Variants in CDH13 observed in about 807,000 individuals in gnomAD.
CDH13 encodes cadherin-13.
Under a neutral mutation model 63.8 loss-of-function variants are expected in CDH13, and 24 were observed. That is an observed-to-expected ratio of 0.38 (90% CI 0.27 to 0.53). The LOEUF (loss-of-function observed/expected upper bound fraction) is 0.53, where lower values mean the gene tolerates loss of function less well. Among genes scored for constraint, CDH13 ranks in the 20% least tolerant of loss-of-function variants. CDH13 has a pLI of 0.85. For synonymous variants in CDH13, 503 were observed against 355.3 expected (o/e 1.42, Z -4.67); for missense variants, 1,049 against 903.1 (o/e 1.16, Z -2.07).
At chr16:83,440,485 G>C (rs1425755545) in intron 6 of CDH13, among the ~76,000 whole-genome samples, 1 of 152,074 alleles carries the variant, frequency 6.6e-6, no homozygotes, top group Non-Finnish European at 1.5e-5. Flanking sequence ...GGTCACAGAA[G>C]ATGGACAGCA....
At chr16:83,116,256 T>C (rs55660225) in intron 3 of CDH13, among the ~76,000 whole-genome samples, 28,399 of 152,004 alleles carry the variant, frequency 0.19, 3,867 homozygotes, top group African/African-American at 0.39. Context: ...TCCCGGGAAA[T>C]AGACCACGCA....
intron 1 of CDH13, among the ~76,000 whole-genome samples, chr16:82,834,492 A>G (rs1347508666): frequency 6.6e-6 from 1 of 152,214 alleles, no homozygotes; most frequent in Non-Finnish European, 1.5e-5. Context: ...GAGAAAAAAT[A>G]AAGAGGTGCC....
At chr16:82,686,966 T>G (rs896255659) in intron 1 of CDH13, among the ~76,000 whole-genome samples, 1 of 152,230 alleles carries the variant, frequency 6.6e-6, no homozygotes, top group Non-Finnish European at 1.5e-5. Flanking sequence ...GCTCAACATT[T>G]GTAAGCTCTT....
At chr16:83,445,095 G>T (rs935889388) in intron 6 of CDH13, among the ~76,000 whole-genome samples, 1 of 151,938 alleles carries the variant, frequency 6.6e-6, no homozygotes, top group Non-Finnish European at 1.5e-5. Context: ...TATTTTTCAT[G>T]GCAGTGGAGT....
intron 8 of CDH13, among the ~76,000 whole-genome samples, chr16:83,643,820 G>A (rs1337419717): frequency 1.3e-5 from 2 of 152,136 alleles, no homozygotes; most frequent in Admixed American, 1.3e-4. Context: ...TGTCAAACAT[G>A]TCAACAGCAT....
At chr16:83,021,607 A>G (rs1915354250) in intron 2 of CDH13, among the ~76,000 whole-genome samples, 1 of 152,230 alleles carries the variant, frequency 6.6e-6, no homozygotes, top group African/African-American at 2.4e-5. Flanking sequence ...GGACTGTATC[A>G]TTCATTATGA....
chr16:83,022,563 A>G (rs940434424), intron 2 of CDH13, among the ~76,000 whole-genome samples: 3 of 152,244 alleles, frequency 2.0e-5, no homozygotes, highest in Non-Finnish European at 4.4e-5. Context: ...TTCCAAGACT[A>G]GCACATCACT....
chr16:83,265,955 T>A (rs995331938), intron 5 of CDH13, among the ~76,000 whole-genome samples: 3 of 152,000 alleles, frequency 2.0e-5, no homozygotes, highest in African/African-American at 7.3e-5. Context: ...TTCTGTTTTT[T>A]AGATGGATTC....
chr16:83,517,761 A>G (rs1460824757), intron 7 of CDH13, among the ~76,000 whole-genome samples: 1 of 152,184 alleles, frequency 6.6e-6, no homozygotes, highest in Admixed American at 6.5e-5. Context: ...GTATAAGAAG[A>G]TGATTAGGAA....
chr16:82,987,121 C>T (rs998645021), intron 2 of CDH13, among the ~76,000 whole-genome samples: 4 of 152,174 alleles, frequency 2.6e-5, no homozygotes, highest in Non-Finnish European at 4.4e-5. Flanking sequence ...GGCTGTAGCA[C>T]TGGTCACCTT....
At chr16:83,669,009 C>T (rs1372578971) in intron 8 of CDH13, among the ~76,000 whole-genome samples, 1 of 152,224 alleles carries the variant, frequency 6.6e-6, no homozygotes, top group Non-Finnish European at 1.5e-5. Flanking sequence ...TATCCTGCTT[C>T]TTGCCCCGAC....
intron 4 of CDH13, among the ~76,000 whole-genome samples, chr16:83,216,464 T>C (rs1377803264): frequency 2.4e-5 from 2 of 82,738 alleles, no homozygotes; most frequent in African/African-American, 7.1e-5. Context: ...AATTTGAGGT[T>C]TATATATAAC....
intron 1 of CDH13, among the ~76,000 whole-genome samples, chr16:82,658,976 C>T (rs542003848): frequency 6.6e-6 from 1 of 152,168 alleles, no homozygotes; most frequent in East Asian, 1.9e-4. Context: ...AAAGCTGACT[C>T]TATGTCTTGT....
intron 6 of CDH13, among the ~76,000 whole-genome samples, chr16:83,360,765 A>T (rs2091146901): frequency 6.6e-6 from 1 of 152,184 alleles, no homozygotes; most frequent in African/African-American, 2.4e-5. Flanking sequence ...AGCTGTATCC[A>T]TGTTGCTACA....
At chr16:83,049,041 A>G (rs1010409743) in intron 3 of CDH13, among the ~76,000 whole-genome samples, 2 of 152,186 alleles carry the variant, frequency 1.3e-5, no homozygotes, top group African/African-American at 4.8e-5. Flanking sequence ...ACTGTTTCTT[A>G]GTCCTGAGGC....
At chr16:83,035,037 A>G (rs959389633) in intron 3 of CDH13, among the ~76,000 whole-genome samples, 5 of 152,176 alleles carry the variant, frequency 3.3e-5, no homozygotes, top group Non-Finnish European at 7.4e-5. Flanking sequence ...TGAGATTTGA[A>G]AAAAGGCTTT....
At chr16:83,681,046 C>A (rs780533898) in intron 10 of CDH13, among the ~76,000 whole-genome samples, 1 of 151,950 alleles carries the variant, frequency 6.6e-6, no homozygotes, top group East Asian at 1.9e-4. Context: ...AATAGCCCAG[C>A]CCAAGGCCCA....
At chr16:83,101,892 C>T (rs528356908) in intron 3 of CDH13, among the ~76,000 whole-genome samples, 6 of 152,144 alleles carry the variant, frequency 3.9e-5, no homozygotes, top group Admixed American at 2.0e-4. Flanking sequence ...CTGTGGAAGA[C>T]AGAACCAAGG....
At chr16:82,890,370 C>G (rs975581663) in intron 2 of CDH13, among the ~76,000 whole-genome samples, 2 of 152,192 alleles carry the variant, frequency 1.3e-5, no homozygotes, top group African/African-American at 4.8e-5. Flanking sequence ...TCACCACCAT[C>G]TCCAGCCTCA....
Sources: allele counts gnomAD v4.1 joint callset (sites outside exome capture counted in the v4.1 genomes callset), GRCh38; gene constraint gnomAD v4.1.1; transcripts MANE v1.5; gene names NCBI Gene and HGNC (gene_info 2026-07-23, HGNC 2026-07-21).